GRID2: variants seen among roughly 807,000 people sequenced by gnomAD.
GRID2 encodes the protein glutamate receptor ionotropic, delta-2.
Under a neutral mutation model 114.8 loss-of-function variants are expected in GRID2, and 33 were observed. The observed-to-expected ratio is 0.29, with a 90% CI of 0.22 to 0.38. The LOEUF is 0.38. Among genes scored for constraint, GRID2 ranks in the 10% least tolerant of loss-of-function variants. The pLI is 1.00. For missense variants in GRID2, 1,184 were observed against 1,257.7 expected (o/e 0.94, Z 0.89); for synonymous variants, 505 against 449.9 (o/e 1.12, Z -1.55).
chr4:93,637,093 T>C (rs923084206), intron 14 of GRID2, among the ~76,000 whole-genome samples: 7 of 152,278 alleles, frequency 4.6e-5, no homozygotes, highest in African/African-American at 7.2e-5. Context: ...AGAACATCTG[T>C]TTAAAAATTG....
At chr4:92,458,378 T>C (rs1219860325) in intron 1 of GRID2, among the ~76,000 whole-genome samples, 1 of 152,186 alleles carries the variant, frequency 6.6e-6, no homozygotes, top group Non-Finnish European at 1.5e-5. Flanking sequence ...CATATAAATA[T>C]TTTCATCCTC....
At chr4:93,702,980 C>T (rs1200900877) in intron 14 of GRID2, among the ~76,000 whole-genome samples, 1 of 151,808 alleles carries the variant, frequency 6.6e-6, no homozygotes, top group Non-Finnish European at 1.5e-5. Context: ...GAAAACTGTA[C>T]TAGGAGGTGA....
chr4:92,466,535 A>G (rs896497005), intron 1 of GRID2, among the ~76,000 whole-genome samples: 3 of 151,804 alleles, frequency 2.0e-5, no homozygotes, highest in Non-Finnish European at 1.5e-5. Context: ...TACACCTACT[A>G]TGTACTCACA....
chr4:93,199,180 A>G (rs1046255798), intron 4 of GRID2, among the ~76,000 whole-genome samples: 39 of 152,280 alleles, frequency 2.6e-4, no homozygotes, highest in African/African-American at 9.1e-4. Context: ...TCACCACAGC[A>G]AACGCCCAGG....
At chr4:93,315,090 A>C (rs990243813) in intron 8 of GRID2, among the ~76,000 whole-genome samples, 9 of 152,156 alleles carry the variant, frequency 5.9e-5, no homozygotes, top group Non-Finnish European at 1.0e-4. Flanking sequence ...AGTGTCTTAC[A>C]TGGTGGCATG....
chr4:92,889,681 GC>G (rs1746614500), intron 2 of GRID2, among the ~76,000 whole-genome samples: 1 of 152,056 alleles, frequency 6.6e-6, no homozygotes, highest in Non-Finnish European at 1.5e-5. Context: ...CCTGAAAATG[GC>G]CATACTGCCC....
At position 92,471,964 on chromosome 4, in the gene GRID2, C is replaced by T. The variant is rs1256615960; in HGVS notation, c.89-118167C>T. On this transcript the variant is annotated intron_variant, in intron 1 of 15. Transcript: ENST00000282020. ...TTTTTTTTTTTTTGAGACGGAGTCTCGCTCTGTCGCCCAGGCTGGAGTGCA... is the reference window on the plus strand; with the variant it reads ...TTTTTTTTTTTTTGAGACGGAGTCTTGCTCTGTCGCCCAGGCTGGAGTGCA... Among the ~76,000 whole-genome samples, 3 of 45,528 alleles carry T rather than the reference C, an allele frequency of 6.6e-5. 1 individual carries two copies. Among genetic ancestry groups the T allele is most frequent in the East Asian group, 4.8e-4 (1 of 2,066 alleles). 29.9% of individuals were successfully genotyped at this position (45,528 alleles called of 152,430 possible). A position where few individuals can be genotyped will look rare whatever the true frequency, so the allele number is the denominator to read the frequency against.
chr4:92,502,266 A>G (rs1723721916), intron 1 of GRID2, among the ~76,000 whole-genome samples: 1 of 152,164 alleles, frequency 6.6e-6, no homozygotes, highest in African/African-American at 2.4e-5. Flanking sequence ...ATCTGCTTAC[A>G]TAAAAATTAC....
chr4:93,157,525 C>T lies in GRID2; in HGVS notation c.735+46572C>T, dbSNP rs191081974. ...TTATACAATTTGTATTTCATAGCTT[C>T]GACATGCATATGTCTTTCATTCTTA... On this transcript the variant is annotated intron_variant, in intron 4 of 15. Coordinates refer to ENST00000282020, the MANE Select transcript of GRID2 (RefSeq NM_001510.4). 1.4e-4 allele frequency among the ~76,000 whole-genome samples: 21 copies of T among 151,840 alleles called. No individual in the cohort carries two copies. The East Asian group carries it at 3.5e-3, about 25-fold the overall frequency.
chr4:93,250,747 T>A (rs1748808608), intron 8 of GRID2, among the ~76,000 whole-genome samples: 1 of 147,048 alleles, frequency 6.8e-6, no homozygotes, highest in Non-Finnish European at 1.5e-5. Context: ...TATAATGTTA[T>A]ATATATATTT....
chr4:92,847,525 T>A (rs1185945738), intron 2 of GRID2, among the ~76,000 whole-genome samples: 1 of 152,070 alleles, frequency 6.6e-6, no homozygotes, highest in Non-Finnish European at 1.5e-5. Flanking sequence ...TGCCTTCAAA[T>A]AATAAATATG....
chr4:93,161,815 A>C (rs1737710583), intron 4 of GRID2, among the ~76,000 whole-genome samples: 1 of 151,806 alleles, frequency 6.6e-6, no homozygotes, highest in African/African-American at 2.4e-5. Flanking sequence ...TGCTTACTAA[A>C]GTTAAAAATA....
chr4:92,456,480 T>C (rs1721222154), intron 1 of GRID2, among the ~76,000 whole-genome samples: 1 of 152,146 alleles, frequency 6.6e-6, no homozygotes, highest in Non-Finnish European at 1.5e-5. Flanking sequence ...AGTCTCTTTT[T>C]CTACTAAATT....
Position 92,416,411 on chromosome 4 carries a change from G to A in GRID2, c.88+111667G>A, listed in dbSNP as rs569892646. Among the ~76,000 whole-genome samples, 6 of 152,124 alleles carry A rather than the reference G, an allele frequency of 3.9e-5. No individual in the cohort carries two copies. The South Asian group carries it at 1.2e-3, about 32-fold the overall frequency. On this transcript the variant is annotated intron_variant, in intron 1 of 15. Transcript: ENST00000282020. ...TGTACAGAAACTTTTTAGTTGATTA[G>A]GTCCCCCGAATTTATCTTTGTTTCT...
chr4:93,596,872 G>A (rs78750682), intron 13 of GRID2, among the ~76,000 whole-genome samples: 11,839 of 152,142 alleles, frequency 0.078, 558 homozygotes, highest in Middle Eastern at 0.12. Flanking sequence ...GATTTAATAC[G>A]GATCTGGTTT....
chr4:93,194,387 T>C (rs1741278131), intron 4 of GRID2, among the ~76,000 whole-genome samples: 1 of 152,228 alleles, frequency 6.6e-6, no homozygotes, highest in East Asian at 1.9e-4. Context: ...AAGGAGTTTT[T>C]TTCAGATATG....
intron 1 of GRID2, among the ~76,000 whole-genome samples, chr4:92,547,956 C>A (rs538381447): frequency 6.6e-6 from 1 of 151,972 alleles, no homozygotes; most frequent in South Asian, 2.1e-4. Flanking sequence ...GTAAATAAAA[C>A]AAACAGAAAA....
chr4:93,229,413 T>G (rs919149706), intron 7 of GRID2, among the ~76,000 whole-genome samples: 1 of 152,154 alleles, frequency 6.6e-6, no homozygotes, highest in Non-Finnish European at 1.5e-5. Context: ...GCTGGAGATT[T>G]GAGAAGCTCA....
At chr4:92,351,395 A>G (rs1214019297) in intron 1 of GRID2, among the ~76,000 whole-genome samples, 1 of 151,872 alleles carries the variant, frequency 6.6e-6, no homozygotes, top group Non-Finnish European at 1.5e-5. Context: ...ATAATTGCAC[A>G]TATTAATGGG....
Sources: allele counts gnomAD v4.1 joint callset (sites outside exome capture counted in the v4.1 genomes callset), GRCh38; gene constraint gnomAD v4.1.1; transcripts MANE v1.5; gene names NCBI Gene and HGNC (gene_info 2026-07-23, HGNC 2026-07-21).